Variants in CPB2 observed in about 807,000 individuals in gnomAD.
CPB2 encodes carboxypeptidase B2.
A neutral mutation model predicts 57.0 loss-of-function variants in CPB2; 54 were observed. That is an observed-to-expected ratio of 0.95 (90% CI 0.76 to 1.19). CPB2 has a LOEUF of 1.19. CPB2 is among the 50% of genes most tolerant of loss of function. The pLI, the probability that CPB2 is intolerant of heterozygous loss-of-function variation, is 0.00. For synonymous variants in CPB2, 189 were observed against 178.1 expected (o/e 1.06, Z -0.49); for missense variants, 426 against 512.0 (o/e 0.83, Z 1.62).
intron 4 of CPB2, among the ~76,000 whole-genome samples, chr13:46,079,219 A>G (rs1183811041): frequency 1.3e-5 from 2 of 152,208 alleles, no homozygotes; most frequent in Non-Finnish European, 2.9e-5. Flanking sequence ...GCCCCTGTGT[A>G]TGAAATTCTT....
intron 1 of CPB2, among the ~76,000 whole-genome samples, chr13:46,094,429 C>T (rs2045337294): frequency 6.6e-6 from 1 of 152,170 alleles, no homozygotes; most frequent in African/African-American, 2.4e-5. Context: ...ATGCCCAGCA[C>T]TTCCACAGCC....
chr13:46,096,789 A>T (rs2045372408), intron 1 of CPB2, among the ~76,000 whole-genome samples: 1 of 152,128 alleles, frequency 6.6e-6, no homozygotes, highest in South Asian at 2.1e-4. Context: ...AAAAAAGAAA[A>T]AAAAAAGTGA....
intron 4 of CPB2, among the ~76,000 whole-genome samples, chr13:46,081,695 T>C (rs2045120887): frequency 6.6e-6 from 1 of 152,214 alleles, no homozygotes; most frequent in Non-Finnish European, 1.5e-5. Context: ...CAAAAATAGT[T>C]ATATTAGGCA....
intron 9 of CPB2, among the ~76,000 whole-genome samples, chr13:46,056,702 G>A (rs1023020429): frequency 2.6e-5 from 4 of 152,122 alleles, no homozygotes; most frequent in African/African-American, 7.2e-5. Context: ...CTCTTATGGT[G>A]AACACCAACT....
intron 7 of CPB2, 74 bp downstream of exon 7, chr13:46,067,233 C>A: frequency 1.4e-6 from 1 of 718,206 alleles, no homozygotes; most frequent in Non-Finnish European, 2.4e-6. Context: ...ATCCAGAATT[C>A]TATGAATAAT....
intron 6 of CPB2, among the ~76,000 whole-genome samples, chr13:46,068,354 A>T: frequency 6.6e-6 from 1 of 152,328 alleles, no homozygotes; most frequent in South Asian, 2.1e-4. Context: ...TTAAAATATT[A>T]TATTCATATT....
At chr13:46,064,268 AAG>A (rs2044819740) in intron 8 of CPB2, among the ~76,000 whole-genome samples, 1 of 152,152 alleles carries the variant, frequency 6.6e-6, no homozygotes, top group African/African-American at 2.4e-5. Context: ...TCAAAAAAAA[AAG>A]AGAGGTCCTC....
In CPB2 at chr13:46,067,390, GC is replaced by G. The variant is rs769190563; in HGVS notation, c.618del (p.Gln207AsnfsTer6). 15 of 1,584,216 alleles carry G rather than the reference GC, an allele frequency of 9.5e-6. No individual in the cohort carries two copies. Among genetic ancestry groups the G allele is most frequent in the Non-Finnish European group, 1.3e-5 (15 of 1,153,540 alleles). ...ACAAGCCTCAGGAGATTGGTATATTGCCCTATTATCCCATAGAATTGAGTTA... is the reference window on the plus strand; with the variant it reads ...ACAAGCCTCAGGAGATTGGTATATTGCCTATTATCCCATAGAATTGAGTTA... ...GHITQFYGII[G>X]QYTNLLRLVD... On this transcript the variant is annotated frameshift_variant, in exon 7 of 11. Transcript: ENST00000181383. LOFTEE classifies it high-confidence loss of function.
At chr13:46,103,153 G>T (rs2045456678) in intron 1 of CPB2, among the ~76,000 whole-genome samples, 1 of 152,150 alleles carries the variant, frequency 6.6e-6, no homozygotes, top group Non-Finnish European at 1.5e-5. Context: ...AGTGTGTTTT[G>T]CTATTGATTA....
intron 8 of CPB2, among the ~76,000 whole-genome samples, chr13:46,062,238 A>G (rs1013572132): frequency 2.0e-5 from 3 of 152,166 alleles, no homozygotes; most frequent in Non-Finnish European, 4.4e-5. Flanking sequence ...ATCAAGCACC[A>G]AAAGAGCTTG....
At chr13:46,084,898 T>C (rs1026973931) in intron 2 of CPB2, among the ~76,000 whole-genome samples, 6 of 151,902 alleles carry the variant, frequency 3.9e-5, no homozygotes, top group Non-Finnish European at 5.9e-5. Flanking sequence ...TCTCCCAGGC[T>C]GGAGTGCAGT....
At chr13:46,084,753 TATC>T (rs1291438583) in intron 2 of CPB2, among the ~76,000 whole-genome samples, 9 of 152,082 alleles carry the variant, frequency 5.9e-5, no homozygotes, top group Admixed American at 6.5e-5. Context: ...TTCTTGTAAT[TATC>T]ATCATGTCAT....
intron 5 of CPB2, among the ~76,000 whole-genome samples, chr13:46,077,304 G>A (rs1316757310): frequency 6.6e-6 from 1 of 152,044 alleles, no homozygotes; most frequent in East Asian, 1.9e-4. Context: ...ACACAAATGG[G>A]CAACAGGTAT....
chr13:46,105,026 T>A lies in CPB2; in HGVS notation c.-17A>T, dbSNP rs2045476927. On this transcript the variant is annotated 5_prime_UTR_variant, in exon 1 of 11. Coordinates refer to ENST00000181383, the MANE Select transcript of CPB2 (RefSeq NM_001872.5). Reference sequence around the variant, plus strand: ...AAGCTTCATCCCAACAGCAATTTTCTGTACAACAAATTTCTCTGAAGAGAA... The same window carrying A: ...AAGCTTCATCCCAACAGCAATTTTCAGTACAACAAATTTCTCTGAAGAGAA... The A allele has an allele frequency of 6.2e-7, 1 of 1,613,718 alleles. No homozygotes were observed. The highest frequency in any genetic ancestry group is 8.5e-7 in the Non-Finnish European group (1 of 1,179,834).
intron 3 of CPB2, among the ~76,000 whole-genome samples, chr13:46,083,525 AG>A (rs2045151930): frequency 6.6e-6 from 1 of 152,228 alleles, no homozygotes; most frequent in Non-Finnish European, 1.5e-5. Flanking sequence ...CCAGGCCACC[AG>A]GAAGGTACTG....
At chr13:46,072,472 A>G (rs2044957964) in intron 6 of CPB2, among the ~76,000 whole-genome samples, 1 of 152,190 alleles carries the variant, frequency 6.6e-6, no homozygotes, top group African/African-American at 2.4e-5. Context: ...TTTGGGCTAC[A>G]CAAATCAGGT....
At chr13:46,079,551 A>AAAAAGAAAAAAAAAAAAAAAAAAAG (rs2045079205) in intron 4 of CPB2, among the ~76,000 whole-genome samples, 5 of 124,706 alleles carry the variant, frequency 4.0e-5, no homozygotes, top group South Asian at 2.3e-4. Flanking sequence ...AAAAAAAAAA[A>AAAAAGAAAAAAAAAAAAAAAAAAAG]AAAAGAAAAG....
intron 1 of CPB2, among the ~76,000 whole-genome samples, chr13:46,104,694 C>T (rs1302615478): frequency 2.6e-5 from 4 of 152,104 alleles, no homozygotes; most frequent in South Asian, 2.1e-4. Flanking sequence ...ACTGGATATG[C>T]GTATCATCCA....
intron 1 of CPB2, chr13:46,094,980 G>A (rs1029488135): frequency 6.6e-6 from 1 of 152,098 alleles, no homozygotes; most frequent in East Asian, 1.9e-4. Context: ...CTTTCCCAAA[G>A]AGACCTATGG....
Sources: allele counts gnomAD v4.1 joint callset (sites outside exome capture counted in the v4.1 genomes callset), GRCh38; gene constraint gnomAD v4.1.1; transcripts MANE v1.5; gene names NCBI Gene and HGNC (gene_info 2026-07-23, HGNC 2026-07-21).